The following CCSER1 variants were observed in gnomAD, a reference collection of about 807,000 sequenced individuals.
CCSER1 encodes the protein coiled-coil serine rich protein 1.
A neutral mutation model predicts 82.0 loss-of-function variants in CCSER1; 41 were observed. The observed-to-expected ratio is 0.50, with a 90% CI of 0.39 to 0.65. The LOEUF (loss-of-function observed/expected upper bound fraction) is 0.65. CCSER1 is among the 30% of genes least tolerant of loss of function. The pLI is 0.00. For missense variants in CCSER1, 1,119 were observed against 1,064.2 expected (o/e 1.05, Z -0.72); for synonymous variants, 414 against 383.9 (o/e 1.08, Z -0.92).
chr4:91,082,654 C>G (rs1722902948), intron 9 of CCSER1, among the ~76,000 whole-genome samples: 1 of 152,114 alleles, frequency 6.6e-6, no homozygotes, highest in Non-Finnish European at 1.5e-5. Context: ...TTTTTACAAT[C>G]TACCCATCTG....
At chr4:90,800,712 AT>A (rs5860204) in intron 7 of CCSER1, among the ~76,000 whole-genome samples, 51,641 of 151,888 alleles carry the variant, frequency 0.34, 8,985 homozygotes, top group East Asian at 0.42. Context: ...TTCCAAATCG[AT>A]TTTTAATGAA....
At chr4:90,296,260 T>C (rs954960755) in intron 1 of CCSER1, among the ~76,000 whole-genome samples, 1 of 152,124 alleles carries the variant, frequency 6.6e-6, no homozygotes, top group East Asian at 1.9e-4. Flanking sequence ...ATCAATGTGG[T>C]CAAATATTTT....
intron 8 of CCSER1, among the ~76,000 whole-genome samples, chr4:90,872,796 C>A (rs186356370): frequency 1.1e-4 from 16 of 151,820 alleles, no homozygotes; most frequent in African/African-American, 3.9e-4. Context: ...TATTGTAGAA[C>A]GTGTCTAGTG....
rs1447328698 is a variant in CCSER1, at chr4:91,603,672, C to T, written c.*4615C>T. The T allele has an allele frequency of 6.6e-6, 1 of 151,956 alleles. No homozygotes were observed. Among genetic ancestry groups the T allele is most frequent in the Non-Finnish European group, 1.5e-5 (1 of 67,968 alleles). The allele number at this position is 151,956 out of a possible 1,614,324, so 9.4% of individuals were successfully genotyped here. On this transcript the variant is annotated 3_prime_UTR_variant, in exon 11 of 11. Transcript: ENST00000509176. Reference sequence around the variant, plus strand: ...CATAAAATTCAAGAATAGGAGCATCCTACATCTTTCATTCTTTCCAAACAT... The same window carrying T: ...CATAAAATTCAAGAATAGGAGCATCTTACATCTTTCATTCTTTCCAAACAT...
chr4:90,494,610 A>C (rs1331426656), intron 5 of CCSER1, among the ~76,000 whole-genome samples: 2 of 152,148 alleles, frequency 1.3e-5, no homozygotes, highest in African/African-American at 4.8e-5. Context: ...TCAGGGATTT[A>C]TCCTTTTGGA....
intron 1 of CCSER1, among the ~76,000 whole-genome samples, chr4:90,157,568 C>G (rs1007580232): frequency 1.3e-5 from 2 of 152,084 alleles, no homozygotes; most frequent in African/African-American, 4.8e-5. Flanking sequence ...AGGCTTTGTT[C>G]GTTTCTTTTT....
At chr4:90,613,219 A>C (rs569866725) in intron 5 of CCSER1, among the ~76,000 whole-genome samples, 2 of 152,320 alleles carry the variant, frequency 1.3e-5, no homozygotes, top group East Asian at 3.9e-4. Context: ...GGATATGAAG[A>C]GGCACACAGA....
chr4:90,725,552 A>T (rs976096950), intron 7 of CCSER1, among the ~76,000 whole-genome samples: 6 of 151,470 alleles, frequency 4.0e-5, no homozygotes, highest in Non-Finnish European at 7.4e-5. Flanking sequence ...CAAAATATTT[A>T]ATCACCTATA....
chr4:91,432,341 G>C (rs1158030321), intron 10 of CCSER1, among the ~76,000 whole-genome samples: 3 of 152,100 alleles, frequency 2.0e-5, no homozygotes, highest in Non-Finnish European at 4.4e-5. Context: ...TCTGTGAATA[G>C]AATTATAGTA....
intron 5 of CCSER1, among the ~76,000 whole-genome samples, chr4:90,606,012 A>G (rs796469586): frequency 3.9e-4 from 60 of 152,228 alleles, no homozygotes; most frequent in African/African-American, 1.4e-3. Flanking sequence ...ATTTTTCATT[A>G]TAATATATAA....
chr4:90,672,946 C>CA lies in CCSER1; in HGVS notation c.1932+44721dup, dbSNP rs753978599. On this transcript the variant is annotated intron_variant, in intron 6 of 10. Transcript: ENST00000509176. ...TATGTGGCTGTGGTGTGTGGTACAC[C>CA]AAAAAAATTACAGTAGTAAAGTAAC... Among the ~76,000 whole-genome samples, 59 of 151,572 alleles carry CA rather than the reference C, an allele frequency of 3.9e-4. 1 individual carries two copies. Among genetic ancestry groups the CA allele is most frequent in the Non-Finnish European group, 7.4e-5 (5 of 67,808 alleles).
chr4:91,200,187 T>A lies in CCSER1; in HGVS notation c.2217+114193T>A, dbSNP rs556035996. ...CAGCCACTATTCTTTTTAGTTGATT[T>A]TTTTTGTCAATCTTAAATTTTCAAA... On this transcript the variant is annotated intron_variant, in intron 10 of 10. Coordinates refer to ENST00000509176, the MANE Select transcript of CCSER1 (RefSeq NM_001145065.2). 8.9e-3 allele frequency among the ~76,000 whole-genome samples: 1,353 copies of A among 152,158 alleles called. 28 individuals are homozygous for A. Among genetic ancestry groups the A allele is most frequent in the African/African-American group, 0.032 (1,310 of 41,548 alleles).
chr4:90,477,806 A>G (rs1240087167), intron 5 of CCSER1, among the ~76,000 whole-genome samples: 15 of 152,092 alleles, frequency 9.9e-5, no homozygotes, highest in Non-Finnish European at 2.2e-4. Context: ...TTTTATTTCG[A>G]AGGTAGAACC....
intron 8 of CCSER1, among the ~76,000 whole-genome samples, chr4:90,871,073 T>TC (rs1766429096): frequency 7.0e-6 from 1 of 142,398 alleles, no homozygotes; most frequent in African/African-American, 2.6e-5. Context: ...GTCTTCTCTC[T>TC]TTTTTTCTTA....
intron 5 of CCSER1, among the ~76,000 whole-genome samples, chr4:90,485,589 A>G (rs1336509043): frequency 4.7e-5 from 7 of 149,712 alleles, no homozygotes; most frequent in Admixed American, 4.7e-4. Context: ...GTAGGTAAAC[A>G]TATACCATAT....
At chr4:90,275,845 A>T (rs1460369641) in intron 1 of CCSER1, among the ~76,000 whole-genome samples, 1 of 152,204 alleles carries the variant, frequency 6.6e-6, no homozygotes. Context: ...TGTCAAAATG[A>T]TCTGTAAGGT....
chr4:91,419,281 A>T (rs1308023389), intron 10 of CCSER1, among the ~76,000 whole-genome samples: 1 of 152,068 alleles, frequency 6.6e-6, no homozygotes, highest in Non-Finnish European at 1.5e-5. Flanking sequence ...TTGGAAAGGA[A>T]GAAGTTAAGT....
chr4:91,060,789 T>C (rs1391212457), intron 9 of CCSER1, among the ~76,000 whole-genome samples: 1 of 152,070 alleles, frequency 6.6e-6, no homozygotes. Context: ...TTATAAATGC[T>C]AACACCTGGT....
chr4:91,172,755 A>G (rs2149006421), intron 10 of CCSER1, among the ~76,000 whole-genome samples: 1 of 152,306 alleles, frequency 6.6e-6, no homozygotes, highest in East Asian at 1.9e-4. Context: ...GATGAAGAAA[A>G]TAAAATCTTT....
Sources: gnomAD v4.1 joint callset for allele counts (sites outside exome capture counted in the v4.1 genomes callset) on GRCh38, gnomAD v4.1.1 for gene constraint, MANE v1.5 for transcripts, NCBI Gene and HGNC (gene_info 2026-07-23, HGNC 2026-07-21) for gene names.